Variants in PTP4A3 observed in about 807,000 individuals in gnomAD.
PTP4A3 encodes protein tyrosine phosphatase type IVA 3.
Under a neutral mutation model 15.2 loss-of-function variants are expected in PTP4A3, and 9 were observed. The ratio of observed to expected loss-of-function variants is 0.59; its 90% confidence interval spans 0.36 to 1.03. PTP4A3 has a LOEUF of 1.03. Ranked by LOEUF, PTP4A3 falls within the 50% of genes least tolerant of loss-of-function variation. PTP4A3 has a pLI of 0.02. For missense variants in PTP4A3, 234 were observed against 252.1 expected (o/e 0.93, Z 0.49); for synonymous variants, 95 against 102.0 (o/e 0.93, Z 0.41).
intron 1 of PTP4A3, among the ~76,000 whole-genome samples, chr8:141,393,453 G>A (rs1376827347): frequency 6.6e-6 from 1 of 152,218 alleles, no homozygotes; most frequent in Non-Finnish European, 1.5e-5. Flanking sequence ...TAGGGAGCTG[G>A]TCACCCCTCA....
chr8:141,405,463 A>C (rs1378505977), intron 1 of PTP4A3, among the ~76,000 whole-genome samples: 1 of 152,216 alleles, frequency 6.6e-6, no homozygotes, highest in Non-Finnish European at 1.5e-5. Context: ...TGCCCTGGTC[A>C]CTGTGTTGCT....
chr8:141,420,110 G>C (rs1220966864), intron 1 of PTP4A3, among the ~76,000 whole-genome samples: 1 of 152,232 alleles, frequency 6.6e-6, no homozygotes, highest in African/African-American at 2.4e-5. Flanking sequence ...AGCTGGGAAG[G>C]GGGTGCTGGG....
At chr8:141,399,125 C>A (rs1228170983) in intron 1 of PTP4A3, among the ~76,000 whole-genome samples, 1 of 152,154 alleles carries the variant, frequency 6.6e-6, no homozygotes, top group Non-Finnish European at 1.5e-5. Flanking sequence ...CCTCAGGTCC[C>A]TGTCACCACC....
rs756499410 is a variant in PTP4A3 at position 141,427,073 on chromosome 8, A to C, written c.329+4A>C. ...ACTGCGTGGCGGGCCTGGGCCGGTG[A>C]GTGTCGGGGCGGGGTAGGGCTCGCC... On this transcript the variant is annotated splice_donor_region_variant and intron_variant, in intron 4 of 5. Transcript: ENST00000521578. 9.4e-6 allele frequency: 15 copies of C among 1,596,804 alleles called. No individual in the cohort carries two copies. The highest frequency in any genetic ancestry group is 1.3e-5 in the Non-Finnish European group (15 of 1,178,862).
chr8:141,400,204 C>G lies in PTP4A3; in HGVS notation c.-854+8120C>G, dbSNP rs562800349. On this transcript the variant is annotated intron_variant, in intron 1 of 5. Transcript: ENST00000521578. ...CACTGCGCCCGGCCCACCACTGTGC[C>G]TGGCCTGCCTCTGCGCCTGGCCCAC... Among the ~76,000 whole-genome samples, 4 of 152,308 alleles carry G rather than the reference C, an allele frequency of 2.6e-5. No homozygotes were observed. The South Asian group carries it at 8.3e-4, about 32-fold the overall frequency.
intron 1 of PTP4A3, among the ~76,000 whole-genome samples, chr8:141,396,973 C>T (rs867827519): frequency 1.3e-5 from 2 of 152,138 alleles, no homozygotes; most frequent in Admixed American, 1.3e-4. Context: ...GGAGGGTAGC[C>T]GGGCTGGCTG....
rs571894812 is a variant in PTP4A3 at position 141,406,170 on chromosome 8, C to A, written c.-854+14086C>A. ...GATGGGTATCCCAGATTCTTGGTGACCCTCGGTAGCCCCTCTGGGCGGTGG... is the reference window on the plus strand; with the variant it reads ...GATGGGTATCCCAGATTCTTGGTGAACCTCGGTAGCCCCTCTGGGCGGTGG... On this transcript the variant is annotated intron_variant, in intron 1 of 5. Coordinates refer to ENST00000521578, the MANE Select transcript of PTP4A3 (RefSeq NM_032611.3). This position sits in a 1 kb window ranked among gnomAD's most constrained non-coding sequence, Gnocchi z 4.5. 6.6e-6 allele frequency among the ~76,000 whole-genome samples: 1 copy of A among 152,232 alleles called. No individual in the cohort carries two copies. Among genetic ancestry groups the A allele is most frequent in the East Asian group, 1.9e-4 (1 of 5,170 alleles).
At chr8:141,429,207 G>A (rs575661006) in intron 5 of PTP4A3, among the ~76,000 whole-genome samples, 2 of 152,362 alleles carry the variant, frequency 1.3e-5, no homozygotes, top group Admixed American at 6.5e-5. Context: ...CGGCTGCTGG[G>A]CGAGGAAACG....
intron 1 of PTP4A3, among the ~76,000 whole-genome samples, chr8:141,412,594 T>C (rs1390492043): frequency 6.6e-6 from 1 of 152,202 alleles, no homozygotes; most frequent in African/African-American, 2.4e-5. Flanking sequence ...GGAGAGGCCC[T>C]GTGGGCCCAA....
intron 1 of PTP4A3, among the ~76,000 whole-genome samples, chr8:141,397,542 C>T (rs1484683960): frequency 1.3e-5 from 2 of 152,236 alleles, no homozygotes; most frequent in African/African-American, 4.8e-5. Context: ...CCCCGCTGGC[C>T]TCAGTTGGGA....
chr8:141,429,716 G>A (rs113436634), intron 5 of PTP4A3, among the ~76,000 whole-genome samples: 1,422 of 11,024 alleles, frequency 0.13, 250 homozygotes, highest in Middle Eastern at 0.3. Context: ...CGCACAGTCC[G>A]GGTCCCCGCT....
chr8:141,430,048 C>CGGGGATGGT (rs1833776824), intron 5 of PTP4A3, among the ~76,000 whole-genome samples: 1 of 117,004 alleles, frequency 8.5e-6, no homozygotes, highest in African/African-American at 3.8e-5. Flanking sequence ...GACCAGGTGG[C>CGGGGATGGT]GGGGACAGGG....
At chr8:141,394,486 C>G (rs1477549552) in intron 1 of PTP4A3, among the ~76,000 whole-genome samples, 1 of 152,208 alleles carries the variant, frequency 6.6e-6, no homozygotes, top group Non-Finnish European at 1.5e-5. Flanking sequence ...CCTCTGGTCC[C>G]TGGCACCCCT....
intron 1 of PTP4A3, among the ~76,000 whole-genome samples, chr8:141,416,053 G>A (rs919136775): frequency 7.9e-5 from 12 of 152,120 alleles, no homozygotes; most frequent in Admixed American, 3.3e-4. Context: ...TCCCAGGCCC[G>A]GCCAGAGGGC....
At chr8:141,419,034 C>T (rs952118871) in intron 1 of PTP4A3, among the ~76,000 whole-genome samples, 2 of 152,134 alleles carry the variant, frequency 1.3e-5, no homozygotes, top group Admixed American at 6.5e-5. Flanking sequence ...TCCAGCCTCT[C>T]CCTGGACCCC....
At chr8:141,408,896 C>T (rs973513899) in intron 1 of PTP4A3, among the ~76,000 whole-genome samples, 1 of 152,216 alleles carries the variant, frequency 6.6e-6, no homozygotes, top group Non-Finnish European at 1.5e-5. Flanking sequence ...AAGGCCCTTC[C>T]CCGGCCCTCA....
At chr8:141,399,940 C>G (rs1832543827) in intron 1 of PTP4A3, among the ~76,000 whole-genome samples, 1 of 152,230 alleles carries the variant, frequency 6.6e-6, no homozygotes, top group African/African-American at 2.4e-5. Flanking sequence ...GGAGTCTCAC[C>G]CTGTTGTCCA....
rs1330746651 is a variant in PTP4A3 at position 141,426,845 on chromosome 8, C to T, written c.199-94C>T. 5 of 1,512,228 alleles carry T rather than the reference C, an allele frequency of 3.3e-6. No individual in the cohort carries two copies. The Admixed American group carries it at 7.9e-5, about 24-fold the overall frequency. The allele number at this position is 1,512,228 out of a possible 1,614,324, so 93.7% of individuals were successfully genotyped here. A position where few individuals can be genotyped will look rare whatever the true frequency, so the allele number is the denominator to read the frequency against. ...CACCCTAGTGGGCTCCTGGCACCCT[C>T]TGCCTCTCAGAGCTCCCTTTCCTCG... On this transcript the variant is annotated intron_variant, in intron 3 of 5. Transcript: ENST00000521578.
intron 1 of PTP4A3, among the ~76,000 whole-genome samples, chr8:141,399,291 G>A (rs1369538970): frequency 6.6e-6 from 1 of 152,222 alleles, no homozygotes; most frequent in Non-Finnish European, 1.5e-5. Context: ...TGGGGCCCCT[G>A]CCAAGGCAAA....
Sources: gnomAD v4.1 joint callset for allele counts (sites outside exome capture counted in the v4.1 genomes callset) on GRCh38, gnomAD v4.1.1 for gene constraint, Gnocchi (gnomAD v3.1) non-coding constraint, MANE v1.5 for transcripts, NCBI Gene and HGNC (gene_info 2026-07-23, HGNC 2026-07-21) for gene names.